TMEM74: variants seen among roughly 807,000 people sequenced by gnomAD.
The protein encoded by TMEM74 is transmembrane protein 74.
A neutral mutation model predicts 18.1 loss-of-function variants in TMEM74; 13 were observed. The observed-to-expected ratio is 0.72, with a 90% confidence interval of 0.47 to 1.14. The LOEUF is 1.14. Ranked by LOEUF, TMEM74 falls within the 50% of genes most tolerant of loss-of-function variation. The pLI is 0.00. For synonymous variants in TMEM74, 159 were observed against 146.6 expected (o/e 1.08, Z -0.61); for missense variants, 372 against 375.9 (o/e 0.99, Z 0.09).
At chr8:108,654,851 C>G (rs1268225377) in intron 2 of TMEM74, among the ~76,000 whole-genome samples, 1 of 151,896 alleles carries the variant, frequency 6.6e-6, no homozygotes, top group African/African-American at 2.4e-5. Flanking sequence ...ATGCAGAACT[C>G]TCTTGTATAT....
chr8:108,695,376 T>C, intron 1 of TMEM74, among the ~76,000 whole-genome samples: 1 of 152,178 alleles, frequency 6.6e-6, no homozygotes, highest in East Asian at 1.9e-4. Context: ...GGCAAGCACT[T>C]GGGTACTTAC....
At chr8:108,622,339 T>A (rs1407950481) in intron 2 of TMEM74, among the ~76,000 whole-genome samples, 1 of 152,072 alleles carries the variant, frequency 6.6e-6, no homozygotes, top group African/African-American at 2.4e-5. Context: ...GTTCCTCAGA[T>A]GAAGAGACAG....
At position 108,784,039 on chromosome 8, in the gene TMEM74, G is replaced by C. The variant is rs1814342273; in HGVS notation, c.*142C>G. Reference sequence around the variant, plus strand: ...TTCTTCTAAATAGAAGACACATAGAGAACAAAAACACTTACTGGCTGTTGG... The same window carrying C: ...TTCTTCTAAATAGAAGACACATAGACAACAAAAACACTTACTGGCTGTTGG... On this transcript the variant is annotated 3_prime_UTR_variant, in exon 2 of 2. Coordinates refer to ENST00000297459, the MANE Select transcript of TMEM74 (RefSeq NM_153015.3). 1.4e-6 allele frequency: 1 copy of C among 706,762 alleles called. No homozygotes were observed. The highest frequency in any genetic ancestry group is 2.3e-6 in the Non-Finnish European group (1 of 436,352). 43.8% of individuals were successfully genotyped at this position (706,762 alleles called of 1,614,324 possible).
chr8:108,748,893 T>A (rs1369790543), intron 1 of TMEM74, among the ~76,000 whole-genome samples: 1 of 152,172 alleles, frequency 6.6e-6, no homozygotes, highest in Non-Finnish European at 1.5e-5. Context: ...TTGTCAAAGA[T>A]CAGATGGTTG....
At chr8:108,614,942 A>G (rs940542188) in intron 2 of TMEM74, among the ~76,000 whole-genome samples, 2 of 152,240 alleles carry the variant, frequency 1.3e-5, no homozygotes, top group Admixed American at 6.5e-5. Context: ...TTGTATGAAT[A>G]GAATGTTCTG....
chr8:108,618,208 AG>A (rs758812268), intron 2 of TMEM74, among the ~76,000 whole-genome samples: 5 of 152,194 alleles, frequency 3.3e-5, no homozygotes, highest in Non-Finnish European at 5.9e-5. Context: ...TTTGAAAGTA[AG>A]GCCTACATTT....
chr8:108,784,450 G>A lies in TMEM74; in HGVS notation c.649C>T (p.Leu217=), dbSNP rs774423920. ...CCCAGCCTCGCACTCTCCTTCTCCA[G>A]GCGCTCCATCTCCCGGGCTGCCACA... ...NTVAAREMER[L]EKESARLGAH... The change falls in exon 2 of 2, where the codon CTG becomes TTG. Residue 217 remains leucine (L), a synonymous_variant. Transcript: ENST00000297459. The A allele has an allele frequency of 6.2e-7, 1 of 1,614,160 alleles. No homozygotes were observed. The highest frequency in any genetic ancestry group is 8.5e-7 in the Non-Finnish European group (1 of 1,180,034).
intron 1 of TMEM74, among the ~76,000 whole-genome samples, chr8:108,730,195 C>T (rs1218350379): frequency 6.6e-6 from 1 of 152,172 alleles, no homozygotes; most frequent in Non-Finnish European, 1.5e-5. Context: ...AAAATCAAGT[C>T]TCCCCATGCT....
At chr8:108,762,208 CCTAA>C (rs926025848) in intron 1 of TMEM74, among the ~76,000 whole-genome samples, 1 of 152,076 alleles carries the variant, frequency 6.6e-6, no homozygotes, top group East Asian at 1.9e-4. Context: ...TCCAATTGCA[CCTAA>C]CTAACATTTC....
At chr8:108,688,789 G>T (rs1813196819) in intron 1 of TMEM74, among the ~76,000 whole-genome samples, 1 of 152,146 alleles carries the variant, frequency 6.6e-6, no homozygotes, top group Non-Finnish European at 1.5e-5. Flanking sequence ...ACCTTCATTT[G>T]TGGTTAGCTT....
At chr8:108,750,551 G>A (rs1481856897) in intron 1 of TMEM74, among the ~76,000 whole-genome samples, 1 of 152,008 alleles carries the variant, frequency 6.6e-6, no homozygotes, top group Non-Finnish European at 1.5e-5. Context: ...ACCAGGGAGG[G>A]GCCATTTCCT....
intron 1 of TMEM74, among the ~76,000 whole-genome samples, chr8:108,764,542 G>C (rs1814080350): frequency 1.3e-5 from 2 of 152,132 alleles, no homozygotes; most frequent in Admixed American, 1.3e-4. Context: ...AGTGCTTTGA[G>C]TTTAAGATGA....
At chr8:108,641,251 T>G (rs557219907) in intron 2 of TMEM74, among the ~76,000 whole-genome samples, 1 of 152,262 alleles carries the variant, frequency 6.6e-6, no homozygotes, top group African/African-American at 2.4e-5. Context: ...ACATATTGTG[T>G]TTTCTGGTTG....
chr8:108,677,566 CAAAT>C (rs1333512008), intron 1 of TMEM74, among the ~76,000 whole-genome samples: 3 of 146,186 alleles, frequency 2.1e-5, no homozygotes, highest in Non-Finnish European at 3.0e-5. Context: ...TTTTCTGAAA[CAAAT>C]GAATCATGCA....
intron 2 of TMEM74, among the ~76,000 whole-genome samples, chr8:108,612,373 C>A (rs1363649531): frequency 6.6e-6 from 1 of 151,954 alleles, no homozygotes; most frequent in Non-Finnish European, 1.5e-5. Context: ...TATGAAGGGT[C>A]ATAAGAATAA....
chr8:108,692,979 G>A (rs1813245783), intron 1 of TMEM74, among the ~76,000 whole-genome samples: 1 of 151,816 alleles, frequency 6.6e-6, no homozygotes, highest in Non-Finnish European at 1.5e-5. Context: ...AATAAAGAGG[G>A]CAAATGCAGT....
chr8:108,760,951 G>A (rs962477073), intron 1 of TMEM74, among the ~76,000 whole-genome samples: 2 of 149,776 alleles, frequency 1.3e-5, no homozygotes, highest in African/African-American at 5.0e-5. Flanking sequence ...TCTTGTACGG[G>A]GTTCTTTTTA....
chr8:108,764,543 T>C (rs1342313237), intron 1 of TMEM74, among the ~76,000 whole-genome samples: 3 of 151,964 alleles, frequency 2.0e-5, no homozygotes, highest in African/African-American at 7.3e-5. Context: ...GTGCTTTGAG[T>C]TTAAGATGAG....
At chr8:108,733,998 C>T (rs187780911) in intron 1 of TMEM74, among the ~76,000 whole-genome samples, 119 of 152,288 alleles carry the variant, frequency 7.8e-4, no homozygotes, top group African/African-American at 2.8e-3. Flanking sequence ...GTCAACCTGA[C>T]TGGATTAAGG....
Sources: gnomAD v4.1 joint callset for allele counts (sites outside exome capture counted in the v4.1 genomes callset) on GRCh38, gnomAD v4.1.1 for gene constraint, MANE v1.5 for transcripts, NCBI Gene and HGNC (gene_info 2026-07-23, HGNC 2026-07-21) for gene names.